TCF4: variants seen among roughly 807,000 people sequenced by gnomAD.
TCF4 encodes transcription factor 4.
A neutral mutation model predicts 82.1 loss-of-function variants in TCF4; 3 were observed. The ratio of observed to expected loss-of-function variants is 0.04; its 90% CI spans 0.02 to 0.09. The LOEUF (loss-of-function observed/expected upper bound fraction) is 0.09, where lower values mean the gene tolerates loss of function less well. Ranked by LOEUF, TCF4 falls within the 10% of genes least tolerant of loss-of-function variation. The probability of loss-of-function intolerance (pLI) is 1.00; values close to 1 mark genes in which losing one functional copy is unlikely to be tolerated. For synonymous variants in TCF4, 276 were observed against 309.6 expected (o/e 0.89, Z 1.14); for missense variants, 518 against 852.7 (o/e 0.61, Z 4.89).
At chr18:55,579,477 G>A (rs1407798175) in intron 3 of TCF4, among the ~76,000 whole-genome samples, 1 of 151,672 alleles carries the variant, frequency 6.6e-6, no homozygotes, top group African/African-American at 2.4e-5. Context: ...AATAAAGAAA[G>A]GGCAGATTTT....
intron 3 of TCF4, among the ~76,000 whole-genome samples, chr18:55,538,283 C>T (rs1241468085): frequency 2.0e-5 from 3 of 152,052 alleles, no homozygotes; most frequent in African/African-American, 7.2e-5. Flanking sequence ...AAGTATAATC[C>T]ACCAGTACCC....
intron 2 of TCF4, among the ~76,000 whole-genome samples, chr18:55,600,375 A>G (rs2097695549): frequency 6.6e-6 from 1 of 152,220 alleles, no homozygotes; most frequent in Non-Finnish European, 1.5e-5. Context: ...TCTAATATAA[A>G]TTATTATGAT....
intron 2 of TCF4, chr18:55,585,642 G>C (rs987652537): frequency 1.6e-6 from 1 of 608,652 alleles, no homozygotes; most frequent in Non-Finnish European, 2.4e-6. Flanking sequence ...TCAAGATTCA[G>C]GTTGGAGGCC....
chr18:55,365,946 C>T (rs189796617), intron 6 of TCF4, among the ~76,000 whole-genome samples: 41 of 150,896 alleles, frequency 2.7e-4, no homozygotes, highest in African/African-American at 7.5e-4. Flanking sequence ...TTGTGTGGGA[C>T]GAGCTAATTC....
chr18:55,407,079 TGCGGGGG>T (rs1160388460), intron 5 of TCF4, among the ~76,000 whole-genome samples: 1 of 150,808 alleles, frequency 6.6e-6, no homozygotes, highest in African/African-American at 2.4e-5. Flanking sequence ...ATGGGGTTGG[TGCGGGGG>T]GCGGGGGGAG....
intron 8 of TCF4, chr18:55,322,053 T>G: frequency 8.6e-7 from 1 of 1,161,920 alleles, no homozygotes; most frequent in Non-Finnish European, 1.1e-6. Context: ...TGCCGATTCT[T>G]ACAAATTTCT....
At chr18:55,613,847 T>C (rs2097709419) in intron 2 of TCF4, among the ~76,000 whole-genome samples, 1 of 152,200 alleles carries the variant, frequency 6.6e-6, no homozygotes, top group African/African-American at 2.4e-5. Context: ...CGTCAAACCA[T>C]AGCATATTTC....
intron 11 of TCF4, among the ~76,000 whole-genome samples, chr18:55,264,436 C>CA (rs1247702958): frequency 2.6e-5 from 4 of 152,142 alleles, no homozygotes; most frequent in Non-Finnish European, 5.9e-5. Flanking sequence ...TGTTCTGGTC[C>CA]AGGAAACACT....
At chr18:55,625,240 CTT>C (rs1212898000) in intron 2 of TCF4, among the ~76,000 whole-genome samples, 30 of 141,774 alleles carry the variant, frequency 2.1e-4, no homozygotes, top group East Asian at 4.1e-4. Flanking sequence ...CAAGCTACAA[CTT>C]TTTTTTTTTT....
In TCF4 at chr18:55,586,150, G is replaced by GAGGAGCAGCAGC. The variant is rs1467146779; in HGVS notation, c.73-810_73-799dup. The GAGGAGCAGCAGC allele has an allele frequency of 9.8e-6, 12 of 1,222,914 alleles. 1 individual carries two copies. The highest frequency in any genetic ancestry group is 5.3e-4 in the Middle Eastern group (2 of 3,796). The allele number at this position is 1,222,914 out of a possible 1,614,324, so 75.8% of individuals were successfully genotyped here. A position where few individuals can be genotyped will look rare whatever the true frequency, so the allele number is the denominator to read the frequency against. On this transcript the variant is annotated intron_variant, in intron 2 of 19. Coordinates refer to ENST00000354452, the MANE Select transcript of TCF4 (RefSeq NM_001083962.2). ...GGAGGAGGAGAAGGAGGAGGAGGAGGAGGAGCAGCAGCAGCAGCAGCAGCA... is the reference window on the plus strand; with the variant it reads ...GGAGGAGGAGAAGGAGGAGGAGGAGGAGGAGCAGCAGCAGGAGCAGCAGCAGCAGCAGCAGCA...
chr18:55,342,503 T>C (rs914041364), intron 8 of TCF4, among the ~76,000 whole-genome samples: 28 of 152,276 alleles, frequency 1.8e-4, no homozygotes, highest in African/African-American at 6.5e-4. Context: ...GATACAGAAC[T>C]GTGCTTTTCT....
chr18:55,532,009 T>C (rs1377804566), intron 3 of TCF4, among the ~76,000 whole-genome samples: 1 of 152,212 alleles, frequency 6.6e-6, no homozygotes, highest in Non-Finnish European at 1.5e-5. Flanking sequence ...CAAATTTGTA[T>C]TTCATTGAAT....
chr18:55,393,063 C>T (rs1254323411), intron 6 of TCF4, among the ~76,000 whole-genome samples: 1 of 152,190 alleles, frequency 6.6e-6, no homozygotes, highest in Non-Finnish European at 1.5e-5. Flanking sequence ...ACTCAATCTT[C>T]AACAAGTATT....
intron 3 of TCF4, among the ~76,000 whole-genome samples, chr18:55,543,979 A>G (rs1183612927): frequency 1.3e-5 from 2 of 152,160 alleles, no homozygotes; most frequent in Non-Finnish European, 2.9e-5. Flanking sequence ...ATTTTTTAAA[A>G]GAATCACCCA....
intron 5 of TCF4, among the ~76,000 whole-genome samples, chr18:55,409,797 G>A (rs2094268085): frequency 6.6e-6 from 1 of 152,166 alleles, no homozygotes; most frequent in African/African-American, 2.4e-5. Context: ...CTGTGGCCAT[G>A]CAGGTATAGC....
chr18:55,343,863 C>A (rs73960238), intron 8 of TCF4, among the ~76,000 whole-genome samples: 2 of 142,026 alleles, frequency 1.4e-5, no homozygotes, highest in South Asian at 4.2e-4. Flanking sequence ...CACACACACA[C>A]GCGTGCACAC....
intron 8 of TCF4, among the ~76,000 whole-genome samples, chr18:55,286,174 A>G (rs930805678): frequency 6.6e-6 from 1 of 152,196 alleles, no homozygotes; most frequent in Non-Finnish European, 1.5e-5. Context: ...TATGGACAAT[A>G]AAAGCTGAAT....
chr18:55,583,058 A>G (rs973307128), intron 3 of TCF4, among the ~76,000 whole-genome samples: 1 of 152,136 alleles, frequency 6.6e-6, no homozygotes, highest in Non-Finnish European at 1.5e-5. Flanking sequence ...TTGATAGAGG[A>G]AAACTGAACA....
At chr18:55,322,341 GTC>G in intron 8 of TCF4, 1 of 1,003,952 alleles carries the variant, frequency 1.0e-6, no homozygotes, top group Non-Finnish European at 1.2e-6. Context: ...TCTGCCATCT[GTC>G]TCTGCTGCTG....
Sources: allele counts gnomAD v4.1 joint callset (sites outside exome capture counted in the v4.1 genomes callset), GRCh38; gene constraint gnomAD v4.1.1; transcripts MANE v1.5; gene names NCBI Gene and HGNC (gene_info 2026-07-23, HGNC 2026-07-21).